Variants in ASAP1 observed in about 807,000 individuals in gnomAD.
ASAP1 encodes arf-GAP with SH3 domain, ANK repeat and PH domain-containing protein 1.
Under a neutral mutation model 145.2 loss-of-function variants are expected in ASAP1, and 43 were observed. That is an observed-to-expected ratio of 0.30 (90% CI 0.23 to 0.38). The LOEUF is 0.38. ASAP1 is among the 10% of genes least tolerant of loss of function. ASAP1 has a pLI of 1.00. For synonymous variants in ASAP1, 546 were observed against 515.5 expected (o/e 1.06, Z -0.80); for missense variants, 1,018 against 1,355.3 (o/e 0.75, Z 3.91).
chr8:130,145,321 T>C (rs2097625838), intron 13 of ASAP1, among the ~76,000 whole-genome samples: 1 of 152,288 alleles, frequency 6.6e-6, no homozygotes, highest in Non-Finnish European at 1.5e-5. Context: ...ATGGCATATG[T>C]TTTTTTCTTT....
At chr8:130,103,853 C>T (rs1415645015) in intron 24 of ASAP1, among the ~76,000 whole-genome samples, 1 of 152,150 alleles carries the variant, frequency 6.6e-6, no homozygotes, top group Non-Finnish European at 1.5e-5. Flanking sequence ...TTGCTATGAA[C>T]TTCCTTTTTA....
chr8:130,401,193 T>A (rs1401619783), intron 2 of ASAP1, among the ~76,000 whole-genome samples: 1 of 152,090 alleles, frequency 6.6e-6, no homozygotes, highest in Non-Finnish European at 1.5e-5. Context: ...AATGTAGAAA[T>A]TCTTACTTGG....
chr8:130,245,559 A>T (rs1586673301), intron 3 of ASAP1, among the ~76,000 whole-genome samples: 1 of 152,180 alleles, frequency 6.6e-6, no homozygotes, highest in Non-Finnish European at 1.5e-5. Context: ...CCAAGAAAAC[A>T]CCACCAAGCT....
rs146102390 is a variant in ASAP1, at chr8:130,133,725, T to G, written c.1217+571A>C. The stretch of plus-strand genomic sequence containing the variant: ...CAAAAAACTCCAACCCAGGAGTATG[T>G]GATACCAACCTGTTCCTTTCCACTA... On this transcript the variant is annotated intron_variant, in intron 15 of 29. Transcript: ENST00000518721. Among the ~76,000 whole-genome samples the G allele has an allele frequency of 1.2e-3, 183 of 152,164 alleles. 1 individual carries two copies. Among genetic ancestry groups the G allele is most frequent in the African/African-American group, 4.1e-3 (170 of 41,542 alleles).
Position 130,315,349 on chromosome 8 carries a change from A to G in ASAP1, c.186+42668T>C, listed in dbSNP as rs1823603237. ...TATAACATAATGATCATGCCCTGTCAGGGATGAGAGTTGAGATCCAGAAAG... is the reference window on the plus strand; with the variant it reads ...TATAACATAATGATCATGCCCTGTCGGGGATGAGAGTTGAGATCCAGAAAG... On this transcript the variant is annotated intron_variant, in intron 3 of 29. Transcript: ENST00000518721. Among the ~76,000 whole-genome samples, 4 of 152,324 alleles carry G rather than the reference A, an allele frequency of 2.6e-5. No homozygotes were observed. The South Asian group carries it at 8.3e-4, about 32-fold the overall frequency.
chr8:130,248,029 C>T (rs981669686), intron 3 of ASAP1, among the ~76,000 whole-genome samples: 1 of 152,108 alleles, frequency 6.6e-6, no homozygotes, highest in African/African-American at 2.4e-5. Flanking sequence ...CTGAAAAACA[C>T]CACTGAGAGT....
chr8:130,443,101 C>T (rs1442446555), intron 1 of ASAP1, among the ~76,000 whole-genome samples: 4 of 152,092 alleles, frequency 2.6e-5, no homozygotes, highest in African/African-American at 9.6e-5. Flanking sequence ...TCCGGGCCGC[C>T]AAGCACGTCG....
chr8:130,092,116 G>A lies in ASAP1; in HGVS notation c.2429C>T (p.Pro810Leu), dbSNP rs773610272. The A allele has an allele frequency of 1.3e-6, 2 of 1,568,014 alleles. No individual in the cohort carries two copies. Among genetic ancestry groups the A allele is most frequent in the African/African-American group, 2.8e-5 (2 of 71,266 alleles). Residue 810 changes from proline to leucine, a missense_variant, in exon 25 of 30, where the codon CCT (proline) becomes CTT (leucine). Pro to Leu is a moderately conservative substitution (Grantham distance 98). This residue lies in a region of ASAP1 where 353 missense variants were observed against 375.4 expected (regional missense o/e 0.94). Transcript: ENST00000518721. Reference protein sequence around the residue: ...KGPTGPPSTLPLSTQTSSGSS... With the variant: ...KGPTGPPSTLLLSTQTSSGSS... ...GCCACTAGAGGTCTGGGTGCTTAGA[G>A]GGAGTGTTGAAGGTGGGCCAGTTGG...
chr8:130,132,137 C>A (rs1287751447), intron 15 of ASAP1, among the ~76,000 whole-genome samples: 1 of 152,152 alleles, frequency 6.6e-6, no homozygotes, highest in Non-Finnish European at 1.5e-5. Flanking sequence ...GGGTTCAAAT[C>A]CTAGCTTACT....
At chr8:130,065,512 G>A (rs2097428832) in intron 27 of ASAP1, among the ~76,000 whole-genome samples, 1 of 152,176 alleles carries the variant, frequency 6.6e-6, no homozygotes, top group Non-Finnish European at 1.5e-5. Context: ...AAGGAGGGCA[G>A]GAGAGATTCT....
intron 24 of ASAP1, among the ~76,000 whole-genome samples, chr8:130,102,687 T>C (rs1349527726): frequency 6.6e-6 from 1 of 152,180 alleles, no homozygotes; most frequent in Non-Finnish European, 1.5e-5. Context: ...TTTTCTTTAC[T>C]ATTTGATTGA....
intron 7 of ASAP1, among the ~76,000 whole-genome samples, chr8:130,183,453 G>A (rs1287505730): frequency 6.6e-6 from 1 of 151,994 alleles, no homozygotes; most frequent in Non-Finnish European, 1.5e-5. Flanking sequence ...CGATTCTCCT[G>A]CCTCAGCCTC....
intron 2 of ASAP1, among the ~76,000 whole-genome samples, chr8:130,365,649 T>C (rs1327288904): frequency 2.0e-5 from 3 of 152,236 alleles, no homozygotes; most frequent in Admixed American, 6.5e-5. Flanking sequence ...TCCTCTTTTA[T>C]GGCCCTTTTC....
chr8:130,248,403 A>T (rs1818987355), intron 3 of ASAP1, among the ~76,000 whole-genome samples: 1 of 152,172 alleles, frequency 6.6e-6, no homozygotes, highest in Admixed American at 6.5e-5. Context: ...ACATTCTGAG[A>T]AAACAGGCCC....
chr8:130,163,163 C>T (rs1429836807), intron 11 of ASAP1: 1 of 153,086 alleles, frequency 6.5e-6, no homozygotes, highest in Non-Finnish European at 1.5e-5. Context: ...AAATGGATGT[C>T]TCACTACTAG....
chr8:130,268,701 G>T (rs1820416188), intron 3 of ASAP1, among the ~76,000 whole-genome samples: 1 of 152,138 alleles, frequency 6.6e-6, no homozygotes, highest in South Asian at 2.1e-4. Flanking sequence ...GATGGTAGGT[G>T]ATCTTTTCTC....
At chr8:130,249,978 C>G (rs1182622856) in intron 3 of ASAP1, among the ~76,000 whole-genome samples, 1 of 152,074 alleles carries the variant, frequency 6.6e-6, no homozygotes, top group Non-Finnish European at 1.5e-5. Context: ...TTATTCTTCT[C>G]TCTTAGCATG....
At chr8:130,129,847 G>A (rs1205814787) in intron 15 of ASAP1, among the ~76,000 whole-genome samples, 1 of 152,070 alleles carries the variant, frequency 6.6e-6, no homozygotes, top group Non-Finnish European at 1.5e-5. Context: ...AAGAGTCTAG[G>A]AATTCATATG....
chr8:130,281,747 A>G (rs1821260388), intron 3 of ASAP1, among the ~76,000 whole-genome samples: 1 of 152,228 alleles, frequency 6.6e-6, no homozygotes, highest in Admixed American at 6.5e-5. Flanking sequence ...ACATTGGTGC[A>G]AAAGTAATTG....
Sources: gnomAD v4.1 joint callset for allele counts (sites outside exome capture counted in the v4.1 genomes callset) on GRCh38, gnomAD v4.1.1 for gene constraint, gnomAD v4.1.1 regional missense constraint, MANE v1.5 for transcripts, NCBI Gene and HGNC (gene_info 2026-07-23, HGNC 2026-07-21) for gene names.